Variants in PSMB7 observed in about 807,000 individuals in gnomAD.
The protein encoded by PSMB7 is proteasome subunit beta type-7.
A neutral mutation model predicts 28.1 loss-of-function variants in PSMB7; 5 were observed. The ratio of observed to expected loss-of-function variants is 0.18; its 90% CI spans 0.09 to 0.37. The LOEUF (loss-of-function observed/expected upper bound fraction) is 0.37. Ranked by LOEUF, PSMB7 falls within the 10% of genes least tolerant of loss-of-function variation. PSMB7 has a pLI of 1.00. For synonymous variants in PSMB7, 122 were observed against 123.7 expected, an observed-to-expected ratio of 0.99 and a Z score of 0.09; for missense variants, 275 against 346.2, an observed-to-expected ratio of 0.79 and a Z score of 1.63.
At chr9:124,398,369 G>A (rs1031499657) in intron 5 of PSMB7, 4 of 213,768 alleles carry the variant, frequency 1.9e-5, no homozygotes, top group African/African-American at 7.2e-5. Context: ...CTACGACCAC[G>A]GAACAATGGC....
intron 6 of PSMB7, among the ~76,000 whole-genome samples, chr9:124,360,923 T>G (rs1409232436): frequency 2.0e-5 from 3 of 152,216 alleles, no homozygotes; most frequent in Admixed American, 2.0e-4. Context: ...AAATGGTAAG[T>G]TATTTAGTAA....
intron 6 of PSMB7, chr9:124,383,677 C>T (rs772508358): frequency 3.3e-5 from 5 of 152,200 alleles, no homozygotes; most frequent in Non-Finnish European, 7.3e-5. Context: ...TTCCCAGAGA[C>T]ACCCTCTGGT....
rs1193666924 is a variant in PSMB7, at chr9:124,384,585, G to C, written c.570+13C>G. 6.3e-7 allele frequency: 1 copy of C among 1,598,774 alleles called. No homozygotes were observed. The highest frequency in any genetic ancestry group is 1.1e-5 in the South Asian group (1 of 87,404). On this transcript the variant is annotated intron_variant, in intron 6 of 7. Transcript: ENST00000259457. ...ATCTTTGAAAAAGAATAAAACTGCAGGGACTTACATACCTCCATGTCTGGC... is the reference window on the plus strand; with the variant it reads ...ATCTTTGAAAAAGAATAAAACTGCACGGACTTACATACCTCCATGTCTGGC...
At chr9:124,372,374 CAA>C (rs1830571786) in intron 6 of PSMB7, among the ~76,000 whole-genome samples, 1 of 152,190 alleles carries the variant, frequency 6.6e-6, no homozygotes, top group African/African-American at 2.4e-5. Flanking sequence ...GAAAAATCAA[CAA>C]AGTCAATAAC....
At chr9:124,401,793 G>T (rs778351285) in intron 5 of PSMB7, among the ~76,000 whole-genome samples, 2 of 152,122 alleles carry the variant, frequency 1.3e-5, no homozygotes, top group Non-Finnish European at 2.9e-5. Context: ...GGCAGAGGCC[G>T]GCAGATCACG....
intron 6 of PSMB7, among the ~76,000 whole-genome samples, chr9:124,382,197 TC>T: frequency 2.8e-5 from 3 of 105,426 alleles, no homozygotes; most frequent in Non-Finnish European, 5.8e-5. Flanking sequence ...CTCTCTCTTT[TC>T]TCTTTTTTTT....
intron 5 of PSMB7, among the ~76,000 whole-genome samples, chr9:124,397,690 TCTAA>T (rs1399269165): frequency 1.3e-5 from 2 of 152,244 alleles, no homozygotes; most frequent in Non-Finnish European, 2.9e-5. Flanking sequence ...AAACTCACAA[TCTAA>T]CTAAAACATG....
intron 3 of PSMB7, 32 bp downstream of exon 3, chr9:124,413,876 T>C: frequency 6.9e-7 from 1 of 1,447,748 alleles, no homozygotes; most frequent in Non-Finnish European, 9.6e-7. Flanking sequence ...TGTTTGAAAA[T>C]ATAAGAGTTA....
At chr9:124,401,081 G>C (rs1464507174) in intron 5 of PSMB7, among the ~76,000 whole-genome samples, 1 of 151,988 alleles carries the variant, frequency 6.6e-6, no homozygotes, top group Non-Finnish European at 1.5e-5. Context: ...TGACAGAGAA[G>C]GAGATACGTG....
rs150869517 is a variant in PSMB7, at chr9:124,404,196, T to C, written c.511+1121A>G. Among the ~76,000 whole-genome samples, 1,236 of 152,164 alleles carry C rather than the reference T, an allele frequency of 8.1e-3. 10 individuals carry two copies. The highest frequency in any genetic ancestry group is 0.02 in the Middle Eastern group (6 of 294). On this transcript the variant is annotated intron_variant, in intron 5 of 7. Transcript: ENST00000259457. ...GAGCCACCGTGCCTGGCCCTGATCT[T>C]TCTATTTAACACTGCCATCTGCCTC...
At position 124,412,446 on chromosome 9, in the gene PSMB7, G is replaced by A; in HGVS notation, c.301C>T (p.Leu101Phe). 6.2e-7 allele frequency: 1 copy of A among 1,614,154 alleles called. No homozygotes were observed. Among genetic ancestry groups the A allele is most frequent in the Non-Finnish European group, 8.5e-7 (1 of 1,180,008 alleles). Residue 101 changes from leucine to phenylalanine, a missense_variant, in exon 4 of 8, where the codon CTC (leucine) becomes TTC (phenylalanine). Around this residue, in one of 2 missense-constraint regions of PSMB7, gnomAD observed 213 missense variants for 302.4 expected, o/e 0.70. Coordinates refer to ENST00000259457, the MANE Select transcript of PSMB7 (RefSeq NM_002799.4). ...TGGAGCTCCAGGTTGGAAGAAATGAGCTGGGTTGTCATGTCTGTGTCTGCA... is the reference window on the plus strand; with the variant it reads ...TGGAGCTCCAGGTTGGAAGAAATGAACTGGGTTGTCATGTCTGTGTCTGCA... ...TAADTDMTTQ[L>F]ISSNLELHSL...
At chr9:124,360,907 C>G (rs1357576224) in intron 6 of PSMB7, among the ~76,000 whole-genome samples, 3 of 152,200 alleles carry the variant, frequency 2.0e-5, no homozygotes, top group African/African-American at 7.2e-5. Context: ...ATAGCTACTG[C>G]TTAATAAATG....
chr9:124,379,125 G>A (rs571514704), intron 6 of PSMB7, among the ~76,000 whole-genome samples: 6 of 152,340 alleles, frequency 3.9e-5, no homozygotes, highest in African/African-American at 1.4e-4. Flanking sequence ...CATTGGTACA[G>A]TGTCTGAATA....
chr9:124,408,628 C>T (rs1371204945), intron 4 of PSMB7, among the ~76,000 whole-genome samples: 1 of 152,080 alleles, frequency 6.6e-6, no homozygotes, highest in Non-Finnish European at 1.5e-5. Flanking sequence ...AGGAGAGTTA[C>T]AAGTATTCAG....
intron 7 of PSMB7, 130 bp from the exon 8 acceptor site, chr9:124,353,839 C>T: frequency 2.8e-6 from 2 of 709,326 alleles, no homozygotes; most frequent in Non-Finnish European, 4.9e-6. Context: ...CTCCCGATCC[C>T]AGCTCTGTGA....
intron 5 of PSMB7, among the ~76,000 whole-genome samples, chr9:124,389,725 C>T (rs1157803758): frequency 2.0e-5 from 3 of 152,196 alleles, no homozygotes; most frequent in African/African-American, 7.2e-5. Flanking sequence ...CTCCTGCAAC[C>T]AATGCCCTGT....
chr9:124,404,024 T>A (rs1184677252), intron 5 of PSMB7, among the ~76,000 whole-genome samples: 1 of 151,868 alleles, frequency 6.6e-6, no homozygotes, highest in Non-Finnish European at 1.5e-5. Context: ...CCCAAGCAAC[T>A]GGGACTACAG....
rs569063551 is a variant in PSMB7, at chr9:124,415,330, C to T, written c.62+34G>A. 2.5e-6 allele frequency: 4 copies of T among 1,607,526 alleles called. No individual in the cohort carries two copies. In the South Asian group the frequency reaches 3.3e-5, roughly 13 times the overall value. On this transcript the variant is annotated intron_variant, in intron 1 of 7. Coordinates refer to ENST00000259457, the MANE Select transcript of PSMB7 (RefSeq NM_002799.4). Reference sequence around the variant, plus strand: ...TCCCACCCGAGCACCGCACTCTTCTCCCTCCCTGAACCAAGCCCCAAGCAA... The same window carrying T: ...TCCCACCCGAGCACCGCACTCTTCTTCCTCCCTGAACCAAGCCCCAAGCAA...
intron 6 of PSMB7, among the ~76,000 whole-genome samples, chr9:124,364,898 T>C (rs1027048047): frequency 3.9e-5 from 6 of 152,120 alleles, no homozygotes; most frequent in African/African-American, 7.2e-5. Context: ...AACATCTGGA[T>C]AGGACAAAAC....
Sources: allele counts gnomAD v4.1 joint callset (sites outside exome capture counted in the v4.1 genomes callset), GRCh38; gene constraint gnomAD v4.1.1; regional missense constraint gnomAD v4.1.1; transcripts MANE v1.5; gene names NCBI Gene and HGNC (gene_info 2026-07-23, HGNC 2026-07-21).